ITSN1: variants seen among roughly 807,000 people sequenced by gnomAD.
ITSN1 encodes intersectin-1.
In ITSN1, 58 loss-of-function variants were observed where a neutral mutation model predicts 239.8. That is an observed-to-expected ratio of 0.24 (90% CI 0.20 to 0.30). The LOEUF is 0.30. Ranked by LOEUF, ITSN1 falls within the 10% of genes least tolerant of loss-of-function variation. ITSN1 has a pLI of 1.00. For missense variants in ITSN1, 1,558 were observed against 2,103.3 expected (o/e 0.74, Z 5.07); for synonymous variants, 780 against 770.8 (o/e 1.01, Z -0.20).
At chr21:33,739,659 T>C (rs144035346) in intron 5 of ITSN1, among the ~76,000 whole-genome samples, 32 of 152,208 alleles carry the variant, frequency 2.1e-4, no homozygotes, top group African/African-American at 7.7e-4. Flanking sequence ...GGAACTGATG[T>C]AGATGATGAG....
intron 15 of ITSN1, 110 bp from the exon 16 acceptor site, chr21:33,781,884 T>G: frequency 8.8e-7 from 1 of 1,133,012 alleles, no homozygotes. Context: ...CAGCCTTTTC[T>G]TATTTTTTAA....
chr21:33,785,882 A>G (rs2070635997), intron 16 of ITSN1, among the ~76,000 whole-genome samples: 2 of 152,216 alleles, frequency 1.3e-5, no homozygotes, highest in African/African-American at 4.8e-5. Flanking sequence ...AAAAGATCCT[A>G]AGATGTAAAT....
At position 33,895,275 on chromosome 21, in the gene ITSN1, C is replaced by A. The variant is rs1986638617; in HGVS notation, c.*6975C>A. ...GTGACCTGGAGGAGGCCCTGCTCCC[C>A]AGCAAGCGTTCTAGGAGTTACGGTG... is the stretch of plus-strand genomic sequence containing the variant. On this transcript the variant is annotated 3_prime_UTR_variant, in exon 40 of 40. Coordinates refer to ENST00000381318, the MANE Select transcript of ITSN1 (RefSeq NM_003024.3). 1 of 152,256 alleles carries A rather than the reference C, an allele frequency of 6.6e-6. No homozygotes were observed. The highest frequency in any genetic ancestry group is 6.5e-5 in the Admixed American group (1 of 15,280). The allele number at this position is 152,256 out of a possible 1,614,324, so 9.4% of individuals were successfully genotyped here.
At chr21:33,697,865 G>T (rs1404614084) in intron 1 of ITSN1, among the ~76,000 whole-genome samples, 2 of 152,034 alleles carry the variant, frequency 1.3e-5, no homozygotes, top group African/African-American at 2.4e-5. Context: ...GCATCTGTAG[G>T]GCTCTACAAT....
At chr21:33,817,308 G>A (rs1417084772) in intron 22 of ITSN1, 1 of 1,304,374 alleles carries the variant, frequency 7.7e-7, no homozygotes, top group East Asian at 5.5e-5. Context: ...CGGACCCCCT[G>A]CAGTGTTCCA....
chr21:33,700,545 T>C (rs985175719), intron 1 of ITSN1, among the ~76,000 whole-genome samples: 20 of 152,150 alleles, frequency 1.3e-4, no homozygotes, highest in African/African-American at 4.8e-4. Flanking sequence ...TGGACAGTAG[T>C]AGGGAGAAAG....
chr21:33,679,979 T>C (rs934165774), intron 1 of ITSN1, among the ~76,000 whole-genome samples: 2 of 152,194 alleles, frequency 1.3e-5, no homozygotes, highest in African/African-American at 4.8e-5. Context: ...ATTACAGGCG[T>C]GAGACACCGC....
chr21:33,828,453 G>A (rs754140416), intron 26 of ITSN1, among the ~76,000 whole-genome samples: 2 of 152,192 alleles, frequency 1.3e-5, no homozygotes, highest in Non-Finnish European at 2.9e-5. Context: ...TGACCGCCAG[G>A]TGCTTCTATC....
At chr21:33,801,585 C>T (rs944882184) in intron 19 of ITSN1, among the ~76,000 whole-genome samples, 1 of 152,170 alleles carries the variant, frequency 6.6e-6, no homozygotes, top group Non-Finnish European at 1.5e-5. Context: ...GCCTCAGCCT[C>T]CTGAGTAGCT....
At position 33,725,448 on chromosome 21, in the gene ITSN1, T is replaced by A. The variant is rs1388319116; in HGVS notation, c.185+2797T>A. Among the ~76,000 whole-genome samples, 10 of 152,050 alleles carry A rather than the reference T, an allele frequency of 6.6e-5. No homozygotes were observed. In the East Asian group the frequency reaches 1.9e-3, roughly 29 times the overall value. ...TGTGCCCGGCCAAAAAAATTTTTTT[T>A]AATTAGCTGGGCATTGTGGTGCATG... On this transcript the variant is annotated intron_variant, in intron 4 of 39. Coordinates refer to ENST00000381318, the MANE Select transcript of ITSN1 (RefSeq NM_003024.3).
At chr21:33,760,026 C>T (rs1010808728) in intron 8 of ITSN1, among the ~76,000 whole-genome samples, 4 of 151,656 alleles carry the variant, frequency 2.6e-5, no homozygotes, top group Non-Finnish European at 5.9e-5. Context: ...TCATTGAACC[C>T]GGGTGGAGGA....
At chr21:33,786,696 C>A (rs923731222) in intron 16 of ITSN1, among the ~76,000 whole-genome samples, 12 of 152,196 alleles carry the variant, frequency 7.9e-5, no homozygotes, top group Admixed American at 7.9e-4. Flanking sequence ...TAAGGAGAAT[C>A]CAACACCCAA....
At chr21:33,779,982 C>G (rs796457314) in intron 14 of ITSN1, among the ~76,000 whole-genome samples, 25 of 152,282 alleles carry the variant, frequency 1.6e-4, no homozygotes, top group African/African-American at 5.8e-4. Flanking sequence ...CAGGCAAGCG[C>G]CACCACGCCT....
chr21:33,820,034 A>G (rs2073567830), intron 24 of ITSN1, among the ~76,000 whole-genome samples: 1 of 152,222 alleles, frequency 6.6e-6, no homozygotes, highest in South Asian at 2.1e-4. Context: ...ACAGACCACT[A>G]GAGTTCTCAT....
chr21:33,696,415 A>G (rs1397579389), intron 1 of ITSN1, among the ~76,000 whole-genome samples: 4 of 152,158 alleles, frequency 2.6e-5, no homozygotes, highest in African/African-American at 9.7e-5. Flanking sequence ...GGAAAATCTT[A>G]TTGTCTTTGC....
Position 33,797,577 on chromosome 21 carries a change from G to A in ITSN1, c.2151G>A (p.Lys717=). 6.2e-7 allele frequency: 1 copy of A among 1,614,062 alleles called. No homozygotes were observed. Among genetic ancestry groups the A allele is most frequent in the Non-Finnish European group, 8.5e-7 (1 of 1,179,940 alleles). ...RLFHQHQEPA[K]PAVQAPWSTA... ...TCCATCAACACCAAGAACCAGCTAA[G>A]CCAGCTGTCCAGGCACCCTGGTCCA... is the stretch of plus-strand genomic sequence containing the variant. Residue 717 remains lysine, a synonymous_variant, in exon 18 of 40, where the codon AAG becomes AAA. Coordinates refer to ENST00000381318, the MANE Select transcript of ITSN1 (RefSeq NM_003024.3). The surrounding 1 kb of genome is among the most constrained non-coding windows in gnomAD (Gnocchi z 4.9).
chr21:33,888,359 G>T lies in ITSN1; in HGVS notation c.*59G>T. 6.7e-7 allele frequency: 1 copy of T among 1,502,124 alleles called. No homozygotes were observed. 93.0% of individuals were successfully genotyped at this position (1,502,124 alleles called of 1,614,324 possible). ...AGCCCACGGCCACACATGCTGTCTGGAAATTGTATTCCTTTTCTAAGAAAC... is the reference window on the plus strand; with the variant it reads ...AGCCCACGGCCACACATGCTGTCTGTAAATTGTATTCCTTTTCTAAGAAAC... On this transcript the variant is annotated 3_prime_UTR_variant, in exon 40 of 40. Transcript: ENST00000381318.
rs748148161 is a variant in ITSN1 at position 33,797,470 on chromosome 21, C to T, written c.2044C>T (p.Leu682=). The change falls in exon 18 of 40, where the codon CTG becomes TTG. Residue 682 remains leucine, a synonymous_variant. Coordinates refer to ENST00000381318, the MANE Select transcript of ITSN1 (RefSeq NM_003024.3). This position sits in a 1 kb window ranked among gnomAD's most constrained non-coding sequence, Gnocchi z 4.9. The part of the protein sequence containing the change: ...RPRKLHEEEK[L]KREESVKKKD... ...AAGAAAACTCCACGAAGAGGAAAAACTGAAAAGGGAGGAGAGTGTCAAAAA... is the reference window on the plus strand; with the variant it reads ...AAGAAAACTCCACGAAGAGGAAAAATTGAAAAGGGAGGAGAGTGTCAAAAA... 2.3e-5 allele frequency: 37 copies of T among 1,613,886 alleles called. No homozygotes were observed. Among genetic ancestry groups the T allele is most frequent in the Non-Finnish European group, 2.9e-5 (34 of 1,180,030 alleles).
intron 1 of ITSN1, among the ~76,000 whole-genome samples, chr21:33,700,104 C>T (rs528253027): frequency 7.4e-5 from 11 of 149,332 alleles, no homozygotes; most frequent in African/African-American, 2.5e-4. Flanking sequence ...TTTTTGGAGA[C>T]GGAGTCTTGT....
Sources: gnomAD v4.1 joint callset for allele counts (sites outside exome capture counted in the v4.1 genomes callset) on GRCh38, gnomAD v4.1.1 for gene constraint, Gnocchi (gnomAD v3.1) non-coding constraint, MANE v1.5 for transcripts, NCBI Gene and HGNC (gene_info 2026-07-23, HGNC 2026-07-21) for gene names.